The following ATRNL1 variants were observed in gnomAD, a reference collection of about 807,000 sequenced individuals.
ATRNL1 encodes the protein attractin like 1, also known as attractin-like protein 1.
In ATRNL1, 95 loss-of-function variants were observed where a neutral mutation model predicts 182.7. The observed-to-expected ratio is 0.52, with a 90% CI of 0.44 to 0.62. The LOEUF (loss-of-function observed/expected upper bound fraction) is 0.62. ATRNL1 is among the 20% of genes least tolerant of loss of function. The probability of loss-of-function intolerance (pLI) is 0.00; values close to 1 mark genes in which losing one functional copy is unlikely to be tolerated. For missense variants in ATRNL1, 1,471 were observed against 1,679.5 expected (o/e 0.88, Z 2.17); for synonymous variants, 576 against 568.3 (o/e 1.01, Z -0.19).
chr10:115,204,900 CCTGGG>C (rs1484947544), intron 8 of ATRNL1, among the ~76,000 whole-genome samples: 1 of 151,948 alleles, frequency 6.6e-6, no homozygotes, highest in Non-Finnish European at 1.5e-5. Flanking sequence ...CTCATTTGTT[CCTGGG>C]CTTTCTTTGT....
chr10:115,529,979 G>A (rs377697482), intron 25 of ATRNL1, among the ~76,000 whole-genome samples: 46 of 151,984 alleles, frequency 3.0e-4, no homozygotes, highest in Admixed American at 1.3e-3. Context: ...AAATGGAATC[G>A]TACAATATGT....
At chr10:115,123,815 C>T (rs1311961090) in intron 3 of ATRNL1, among the ~76,000 whole-genome samples, 3 of 152,064 alleles carry the variant, frequency 2.0e-5, no homozygotes, top group Non-Finnish European at 4.4e-5. Context: ...TCTGTCAGAT[C>T]AGCAGCGGCA....
chr10:115,576,383 A>G (rs1435743017), intron 26 of ATRNL1, among the ~76,000 whole-genome samples: 1 of 151,972 alleles, frequency 6.6e-6, no homozygotes, highest in Non-Finnish European at 1.5e-5. Flanking sequence ...ACTTTTCTCC[A>G]AATCTTTGCC....
intron 19 of ATRNL1, among the ~76,000 whole-genome samples, chr10:115,351,733 T>G (rs576180365): frequency 2.0e-5 from 3 of 148,682 alleles, no homozygotes; most frequent in African/African-American, 5.1e-5. Context: ...CCTGTAGTTT[T>G]CTTTTCTTGT....
At chr10:115,473,337 G>T (rs553719683) in intron 24 of ATRNL1, among the ~76,000 whole-genome samples, 1 of 151,194 alleles carries the variant, frequency 6.6e-6, no homozygotes, top group Non-Finnish European at 1.5e-5. Context: ...CCTATGGTAA[G>T]CTGTGGTACA....
chr10:115,930,332 T>A (rs2620962), intron 28 of ATRNL1, among the ~76,000 whole-genome samples: 131,072 of 152,092 alleles, frequency 0.86, 59,548 homozygotes, highest in Non-Finnish European at 0.99. Flanking sequence ...CTCAGAGTTG[T>A]AGTGTAAACC....
chr10:115,772,591 C>CTCTG (rs1375770116), intron 27 of ATRNL1, among the ~76,000 whole-genome samples: 36 of 130,606 alleles, frequency 2.8e-4, no homozygotes, highest in African/African-American at 1.0e-3. Context: ...AAAATATATA[C>CTCTG]TCTGTCTGTG....
intron 28 of ATRNL1, among the ~76,000 whole-genome samples, chr10:115,889,310 AC>A (rs1952024325): frequency 1.7e-5 from 1 of 59,014 alleles, no homozygotes; most frequent in Non-Finnish European, 3.4e-5. Flanking sequence ...CCCCACCCCC[AC>A]CCCCACCTCC....
At chr10:115,197,688 A>G (rs1554891362) in intron 8 of ATRNL1, among the ~76,000 whole-genome samples, 2 of 152,250 alleles carry the variant, frequency 1.3e-5, no homozygotes, top group African/African-American at 4.8e-5. Context: ...GGCCTGGGGA[A>G]TCCATATGTA....
chr10:115,642,288 G>C (rs188606391), intron 26 of ATRNL1, among the ~76,000 whole-genome samples: 1 of 152,196 alleles, frequency 6.6e-6, no homozygotes, highest in Admixed American at 6.5e-5. Flanking sequence ...ATTTAACAAA[G>C]TGTTCTGAAA....
At chr10:115,790,465 G>T (rs1419491628) in intron 27 of ATRNL1, among the ~76,000 whole-genome samples, 3 of 151,920 alleles carry the variant, frequency 2.0e-5, no homozygotes, top group Admixed American at 2.0e-4. Flanking sequence ...TTTCTGTTAC[G>T]ATTGAATTTT....
At chr10:115,774,856 T>C (rs1307589974) in intron 27 of ATRNL1, among the ~76,000 whole-genome samples, 1 of 152,078 alleles carries the variant, frequency 6.6e-6, no homozygotes, top group Non-Finnish European at 1.5e-5. Flanking sequence ...TAGTTGGAGT[T>C]AGTGAAGTCA....
intron 9 of ATRNL1, among the ~76,000 whole-genome samples, chr10:115,222,684 T>G (rs1849515715): frequency 6.6e-6 from 1 of 152,170 alleles, no homozygotes; most frequent in South Asian, 2.1e-4. Context: ...CCATCTAAAA[T>G]TCTACATAAT....
At chr10:115,688,591 C>T (rs1463607463) in intron 26 of ATRNL1, among the ~76,000 whole-genome samples, 4 of 151,892 alleles carry the variant, frequency 2.6e-5, no homozygotes, top group African/African-American at 9.7e-5. Flanking sequence ...TTATATATAC[C>T]CATTGGCCAT....
chr10:115,708,652 T>C (rs1369180629), intron 26 of ATRNL1, among the ~76,000 whole-genome samples: 1 of 151,776 alleles, frequency 6.6e-6, no homozygotes, highest in East Asian at 1.9e-4. Flanking sequence ...TCTGAAGGTA[T>C]GCTTGCGTCA....
intron 18 of ATRNL1, among the ~76,000 whole-genome samples, chr10:115,332,704 G>C (rs1319252122): frequency 6.6e-6 from 1 of 152,040 alleles, no homozygotes; most frequent in Non-Finnish European, 1.5e-5. Context: ...TTACTCTTTT[G>C]TTTGTCTGTT....
intron 7 of ATRNL1, 70 bp downstream of exon 7, chr10:115,165,715 T>A (rs1847009723): frequency 1.3e-6 from 1 of 771,172 alleles, no homozygotes; most frequent in Non-Finnish European, 2.0e-6. Context: ...TAAAAAATAC[T>A]AAATCTCAGA....
intron 28 of ATRNL1, among the ~76,000 whole-genome samples, chr10:115,893,647 C>A (rs1384340622): frequency 1.3e-5 from 2 of 152,090 alleles, no homozygotes; most frequent in African/African-American, 4.8e-5. Context: ...GCTGAATAGC[C>A]CTGGATTCAG....
intron 28 of ATRNL1, among the ~76,000 whole-genome samples, chr10:115,936,132 G>C (rs1430945164): frequency 6.6e-6 from 1 of 152,190 alleles, no homozygotes; most frequent in Admixed American, 6.5e-5. Context: ...GCAGATACAG[G>C]CAAAATCTTT....
Sources: allele counts gnomAD v4.1 joint callset (sites outside exome capture counted in the v4.1 genomes callset), GRCh38; gene constraint gnomAD v4.1.1; transcripts MANE v1.5; gene names NCBI Gene and HGNC (gene_info 2026-07-23, HGNC 2026-07-21).